UBE2Q2: variants seen among roughly 807,000 people sequenced by gnomAD.
UBE2Q2 encodes ubiquitin-conjugating enzyme E2 Q2.
UBE2Q2 carries 54 observed loss-of-function variants against 59.9 expected under a neutral mutation model. That is an observed-to-expected ratio of 0.90 (90% confidence interval 0.72 to 1.13). UBE2Q2 has a LOEUF of 1.13. UBE2Q2 is among the 50% of genes most tolerant of loss of function. The pLI, the probability that UBE2Q2 is intolerant of heterozygous loss-of-function variation, is 0.00. For missense variants in UBE2Q2, 433 were observed against 441.9 expected (o/e 0.98, Z 0.18); for synonymous variants, 165 against 155.2 (o/e 1.06, Z -0.47).
At chr15:75,858,983 T>A (rs1353736624) in intron 2 of UBE2Q2, among the ~76,000 whole-genome samples, 1 of 151,726 alleles carries the variant, frequency 6.6e-6, no homozygotes, top group African/African-American at 2.4e-5. Context: ...AACCTGCTTC[T>A]TTCTCTTCAT....
At chr15:75,863,832 G>A (rs1897319315) in intron 3 of UBE2Q2, among the ~76,000 whole-genome samples, 3 of 151,848 alleles carry the variant, frequency 2.0e-5, no homozygotes, top group Admixed American at 2.0e-4. Context: ...TTTAGTAGAG[G>A]GGTTTCACCA....
chr15:75,857,008 C>A (rs568923903), intron 2 of UBE2Q2, among the ~76,000 whole-genome samples: 3 of 151,884 alleles, frequency 2.0e-5, no homozygotes, highest in African/African-American at 4.8e-5. Context: ...TGCCTGTAAT[C>A]CCAGCACTTT....
At chr15:75,893,609 A>G (rs1899229118) in intron 11 of UBE2Q2, among the ~76,000 whole-genome samples, 1 of 152,194 alleles carries the variant, frequency 6.6e-6, no homozygotes, top group African/African-American at 2.4e-5. Flanking sequence ...AGACCTCTGT[A>G]CCCAATAATT....
At chr15:75,864,252 C>G (rs1175802166) in intron 3 of UBE2Q2, among the ~76,000 whole-genome samples, 1 of 151,896 alleles carries the variant, frequency 6.6e-6, no homozygotes, top group Non-Finnish European at 1.5e-5. Context: ...CATCTTTTTT[C>G]CTAAGATCTA....
intron 1 of UBE2Q2, chr15:75,844,224 T>A: frequency 6.8e-7 from 1 of 1,474,796 alleles, no homozygotes; most frequent in Non-Finnish European, 9.0e-7. Flanking sequence ...CAGCTCCGGC[T>A]GTTGTTTGAG....
intron 8 of UBE2Q2, 29 bp downstream of exon 8, chr15:75,879,217 A>G: frequency 1.5e-6 from 2 of 1,328,076 alleles, no homozygotes; most frequent in Non-Finnish European, 2.1e-6. Flanking sequence ...GACCCCATAT[A>G]CTTCCAGTGG....
At chr15:75,886,108 A>G (rs553555885) in intron 9 of UBE2Q2, among the ~76,000 whole-genome samples, 2 of 145,492 alleles carry the variant, frequency 1.4e-5, no homozygotes, top group Admixed American at 1.4e-4. Flanking sequence ...GAGAAATGAC[A>G]TAACTATTGT....
Position 75,877,875 on chromosome 15 carries a change from G to A in UBE2Q2, c.674-86G>A. Reference sequence around the variant, plus strand: ...TTTAAGAGCAAAATTTCTAGCTTTCGTTGGCTATTTAGTGTATACATTTAT... The same window carrying A: ...TTTAAGAGCAAAATTTCTAGCTTTCATTGGCTATTTAGTGTATACATTTAT... On this transcript the variant is annotated intron_variant, in intron 6 of 12. Transcript: ENST00000267938. The A allele has an allele frequency of 4.1e-6, 5 of 1,232,260 alleles. No individual in the cohort carries two copies. In the South Asian group the frequency reaches 4.6e-5, roughly 11 times the overall value. 76.3% of individuals were successfully genotyped at this position (1,232,260 alleles called of 1,614,324 possible). A position where few individuals can be genotyped will look rare whatever the true frequency, so the allele number is the denominator to read the frequency against.
intron 3 of UBE2Q2, among the ~76,000 whole-genome samples, chr15:75,866,671 G>C (rs923940081): frequency 6.6e-6 from 1 of 151,478 alleles, no homozygotes; most frequent in Non-Finnish European, 1.5e-5. Flanking sequence ...TTTTTTCTCT[G>C]TTCTAAGGAA....
At chr15:75,878,748 C>T (rs1236178848) in intron 7 of UBE2Q2, among the ~76,000 whole-genome samples, 1 of 151,768 alleles carries the variant, frequency 6.6e-6, no homozygotes, top group Non-Finnish European at 1.5e-5. Flanking sequence ...TCTCCTTGAA[C>T]CCTTTGGCTA....
At chr15:75,853,355 C>T (rs540784474) in intron 1 of UBE2Q2, among the ~76,000 whole-genome samples, 3 of 152,112 alleles carry the variant, frequency 2.0e-5, no homozygotes, top group Non-Finnish European at 4.4e-5. Context: ...CTTGTTATCC[C>T]AGCTACTCGG....
intron 8 of UBE2Q2, among the ~76,000 whole-genome samples, chr15:75,880,908 G>A (rs1898374014): frequency 1.3e-5 from 2 of 152,294 alleles, no homozygotes; most frequent in South Asian, 4.1e-4. Flanking sequence ...AGCTTCTTAC[G>A]TAGCTTTTTT....
chr15:75,879,594 T>C (rs1898284112), intron 8 of UBE2Q2, among the ~76,000 whole-genome samples: 1 of 152,206 alleles, frequency 6.6e-6, no homozygotes, highest in African/African-American at 2.4e-5. Context: ...GCATGCATTC[T>C]TAGTGGAGGC....
intron 1 of UBE2Q2, among the ~76,000 whole-genome samples, chr15:75,849,039 T>C (rs1392217400): frequency 6.6e-6 from 1 of 152,222 alleles, no homozygotes; most frequent in African/African-American, 2.4e-5. Context: ...ATTTTCTTTT[T>C]ATCATGGGTA....
At chr15:75,860,148 T>C (rs1388840532) in intron 3 of UBE2Q2, among the ~76,000 whole-genome samples, 166 bp downstream of exon 3, 3 of 152,238 alleles carry the variant, frequency 2.0e-5, no homozygotes, top group African/African-American at 7.2e-5. Context: ...AAAAATAAAC[T>C]TTTCATTCTT....
intron 5 of UBE2Q2, among the ~76,000 whole-genome samples, chr15:75,874,719 G>C (rs979426437): frequency 1.3e-5 from 2 of 152,162 alleles, no homozygotes; most frequent in Non-Finnish European, 2.9e-5. Flanking sequence ...TTGGATGATT[G>C]CTATCAAAAA....
intron 4 of UBE2Q2, among the ~76,000 whole-genome samples, chr15:75,871,937 G>A (rs1897816512): frequency 6.6e-6 from 1 of 152,128 alleles, no homozygotes; most frequent in Non-Finnish European, 1.5e-5. Context: ...AAGAAATTTC[G>A]TGGATGGGAA....
intron 4 of UBE2Q2, among the ~76,000 whole-genome samples, chr15:75,870,918 A>G (rs1485240602): frequency 6.6e-6 from 1 of 152,196 alleles, no homozygotes; most frequent in East Asian, 1.9e-4. Context: ...AGAGACTTGG[A>G]AAAGAAAAAG....
intron 1 of UBE2Q2, among the ~76,000 whole-genome samples, chr15:75,847,650 G>C (rs530067962): frequency 6.6e-6 from 1 of 152,222 alleles, no homozygotes; most frequent in South Asian, 2.1e-4. Flanking sequence ...GAAATGCAAA[G>C]CAGCTTGTTT....
Sources: allele counts gnomAD v4.1 joint callset (sites outside exome capture counted in the v4.1 genomes callset), GRCh38; gene constraint gnomAD v4.1.1; transcripts MANE v1.5; gene names NCBI Gene and HGNC (gene_info 2026-07-23, HGNC 2026-07-21).